Variants in LINC01488 observed in about 807,000 individuals in gnomAD.
LINC01488 encodes the protein long independently transcribed non-coding RNA 1488.
intron 1 of LINC01488, among the ~76,000 whole-genome samples, chr11:69,488,686 A>C (rs1282320501): frequency 6.6e-6 from 1 of 152,196 alleles, no homozygotes; most frequent in African/African-American, 2.4e-5. Flanking sequence ...AGGGACACAC[A>C]GCTCATGGGT....
At position 69,483,978 on chromosome 11, in the gene LINC01488, G is replaced by A. The variant is rs963160870; in HGVS notation, n.122+2195G>A. On this transcript the variant is annotated intron_variant and non_coding_transcript_variant, in intron 1 of 3. Transcript: ENST00000644563. Reference sequence around the variant, plus strand: ...GGGCCCCGCAGGGGCAGGCGGGCTGGGGCTCTGGGTGATGCCCGACTCACT... The same window carrying A: ...GGGCCCCGCAGGGGCAGGCGGGCTGAGGCTCTGGGTGATGCCCGACTCACT... 1.3e-5 allele frequency among the ~76,000 whole-genome samples: 2 copies of A among 152,216 alleles called. 1 individual carries two copies. The highest frequency in any genetic ancestry group is 4.1e-4 in the South Asian group (2 of 4,838).
chr11:69,484,939 A>G (rs561887861), intron 1 of LINC01488, among the ~76,000 whole-genome samples: 5 of 152,268 alleles, frequency 3.3e-5, no homozygotes, highest in South Asian at 2.1e-4. Flanking sequence ...GTGATTTACA[A>G]TGGTTTGTGT....
At chr11:69,488,550 A>T (rs1857161917) in intron 1 of LINC01488, among the ~76,000 whole-genome samples, 1 of 152,194 alleles carries the variant, frequency 6.6e-6, no homozygotes, top group South Asian at 2.1e-4. Flanking sequence ...GCCTTTGTCA[A>T]ACCCTGGAGA....
At chr11:69,484,889 T>A (rs1270311432) in intron 1 of LINC01488, among the ~76,000 whole-genome samples, 1 of 152,230 alleles carries the variant, frequency 6.6e-6, no homozygotes, top group East Asian at 1.9e-4. Context: ...CTTCACTGGC[T>A]CCTTTGTTTT....
intron 2 of LINC01488, chr11:69,490,706 C>T (rs1165979100): frequency 6.6e-6 from 1 of 152,254 alleles, no homozygotes; most frequent in Non-Finnish European, 1.5e-5. Context: ...CCAGTTCTAC[C>T]ACATCCTAGG....
chr11:69,489,121 G>A (rs1404473710), intron 1 of LINC01488, among the ~76,000 whole-genome samples: 2 of 152,146 alleles, frequency 1.3e-5, no homozygotes, highest in Admixed American at 6.5e-5. Context: ...GCCCCCAAAC[G>A]CCCCTCGGAT....
At chr11:69,483,544 G>A (rs982924365) in intron 1 of LINC01488, among the ~76,000 whole-genome samples, 40 of 152,196 alleles carry the variant, frequency 2.6e-4, no homozygotes, top group African/African-American at 9.4e-4. Context: ...CCATCTCCAT[G>A]GGTAGGCTGA....
chr11:69,492,839 G>A (rs563090844), exon 4 of LINC01488: 20 of 152,382 alleles, frequency 1.3e-4, no homozygotes, highest in African/African-American at 4.6e-4. Flanking sequence ...GAGCTGGGAT[G>A]AGAACGCAGC....
At chr11:69,483,960 G>A (rs761753859) in intron 1 of LINC01488, among the ~76,000 whole-genome samples, 1 of 152,240 alleles carries the variant, frequency 6.6e-6, no homozygotes, top group African/African-American at 2.4e-5. Flanking sequence ...CAAGGGCCCC[G>A]CAGGGGCAGG....
intron 3 of LINC01488, chr11:69,491,734 G>A (rs55633739): frequency 0.053 from 8,109 of 152,542 alleles, 680 homozygotes; most frequent in East Asian, 0.41. Flanking sequence ...GCCAGGCCCT[G>A]CTCTATCAGC....
At chr11:69,485,953 C>A (rs1857108662) in intron 1 of LINC01488, 1 of 152,326 alleles carries the variant, frequency 6.6e-6, no homozygotes, top group Admixed American at 6.5e-5. Flanking sequence ...GTACCTCTCG[C>A]CGAGGCCCCC....
At chr11:69,483,095 G>A (rs1458404450) in intron 1 of LINC01488, among the ~76,000 whole-genome samples, 1 of 152,220 alleles carries the variant, frequency 6.6e-6, no homozygotes, top group East Asian at 1.9e-4. Flanking sequence ...AGATACTTCT[G>A]AGGTCCGTGG....
intron 1 of LINC01488, among the ~76,000 whole-genome samples, chr11:69,487,392 T>A (rs2134970628): frequency 6.6e-6 from 1 of 152,312 alleles, no homozygotes; most frequent in Non-Finnish European, 1.5e-5. Context: ...AAATCCTGTC[T>A]GCCATGACGC....
chr11:69,484,243 G>T (rs1210020654), intron 1 of LINC01488, among the ~76,000 whole-genome samples: 1 of 152,190 alleles, frequency 6.6e-6, no homozygotes, highest in East Asian at 1.9e-4. Flanking sequence ...CCAGACAGGA[G>T]GTCATGGGAG....
intron 2 of LINC01488, chr11:69,490,991 C>G (rs957440087): frequency 3.9e-5 from 6 of 152,252 alleles, no homozygotes; most frequent in African/African-American, 9.7e-5. Flanking sequence ...ATGCAGCCAG[C>G]CAGCCATCGT....
At chr11:69,486,761 GGT>G (rs765455676) in intron 1 of LINC01488, among the ~76,000 whole-genome samples, 19 of 152,176 alleles carry the variant, frequency 1.2e-4, no homozygotes, top group Non-Finnish European at 2.6e-4. Flanking sequence ...CCCCGCGATG[GGT>G]GGCAGGGCTG....
At chr11:69,486,470 G>C (rs1024976275) in intron 1 of LINC01488, among the ~76,000 whole-genome samples, 3 of 152,236 alleles carry the variant, frequency 2.0e-5, no homozygotes, top group Non-Finnish European at 4.4e-5. Context: ...TCCAAAACCA[G>C]GTGAAGGCGC....
At chr11:69,490,471 C>T (rs1174016562) in intron 1 of LINC01488, 5 of 152,248 alleles carry the variant, frequency 3.3e-5, no homozygotes, top group East Asian at 3.8e-4. Context: ...TACAATTCAC[C>T]GATGAATCCT....
At chr11:69,492,831 G>C (rs1166702537) in exon 4 of LINC01488, 1 of 152,280 alleles carries the variant, frequency 6.6e-6, no homozygotes, top group Non-Finnish European at 1.5e-5. Context: ...TGGGTTGTGA[G>C]CTGGGATGAG....
Sources: allele counts gnomAD v4.1 joint callset (sites outside exome capture counted in the v4.1 genomes callset), GRCh38; gene constraint gnomAD v4.1.1; transcripts MANE v1.5; gene names NCBI Gene and HGNC (gene_info 2026-07-23, HGNC 2026-07-21).